Variants in ARHGDIB observed in about 807,000 individuals in gnomAD.
ARHGDIB encodes rho GDP-dissociation inhibitor 2.
Under a neutral mutation model 22.6 loss-of-function variants are expected in ARHGDIB, and 20 were observed. The ratio of observed to expected loss-of-function variants is 0.88; its 90% CI spans 0.62 to 1.28. The LOEUF (loss-of-function observed/expected upper bound fraction) is 1.28. Among genes scored for constraint, ARHGDIB ranks in the 50% most tolerant of loss-of-function variants. The pLI is 0.00. For missense variants in ARHGDIB, 254 were observed against 245.4 expected, an observed-to-expected ratio of 1.04 and a Z score of -0.23; for synonymous variants, 114 against 96.1, an observed-to-expected ratio of 1.19 and a Z score of -1.09.
At chr12:14,944,370 A>G (rs1203481543) in intron 5 of ARHGDIB, among the ~76,000 whole-genome samples, 4 of 137,286 alleles carry the variant, frequency 2.9e-5, no homozygotes, top group African/African-American at 1.1e-4. Flanking sequence ...CTCCCACCCC[A>G]GATACACATG....
chr12:14,947,689 A>T, intron 4 of ARHGDIB, 184 bp downstream of exon 4: 1 of 573,430 alleles, frequency 1.7e-6, no homozygotes, highest in South Asian at 2.2e-5. Context: ...AGGAAAAGAC[A>T]GGAGGCAAAC....
intron 1 of ARHGDIB, among the ~76,000 whole-genome samples, chr12:14,958,531 A>G (rs776978371): frequency 1.3e-5 from 2 of 152,210 alleles, no homozygotes; most frequent in Non-Finnish European, 2.9e-5. Flanking sequence ...AGAGAACTCA[A>G]AGAGATCCCG....
rs752380775 is a variant in ARHGDIB at position 14,947,864 on chromosome 12, G to T, written c.342+9C>A. The stretch of plus-strand genomic sequence containing the variant: ...AACTTTACAAAAACACACAAGGCAG[G>T]ATACTTACTTTGAAGTGAATTTTGA... On this transcript the variant is annotated intron_variant, in intron 4 of 5. Transcript: ENST00000228945. The T allele has an allele frequency of 6.3e-7, 1 of 1,593,482 alleles. No homozygotes were observed. The highest frequency in any genetic ancestry group is 2.2e-5 in the East Asian group (1 of 44,750).
At chr12:14,951,295 T>C (rs1864171253) in intron 1 of ARHGDIB, 2 of 152,800 alleles carry the variant, frequency 1.3e-5, no homozygotes, top group African/African-American at 2.4e-5. Flanking sequence ...TTATGATACC[T>C]GCCTCAGGTG....
chr12:14,947,446 G>C (rs754373268), intron 4 of ARHGDIB, among the ~76,000 whole-genome samples: 1 of 152,092 alleles, frequency 6.6e-6, no homozygotes, highest in East Asian at 1.9e-4. Context: ...TCACTTGTTT[G>C]TCCACTTTTC....
chr12:14,953,629 T>G (rs1864230954), intron 1 of ARHGDIB, among the ~76,000 whole-genome samples: 1 of 138,828 alleles, frequency 7.2e-6, no homozygotes, highest in Non-Finnish European at 1.6e-5. Flanking sequence ...GGTAATTATC[T>G]CAAGGAAAAA....
chr12:14,942,806 T>C lies in ARHGDIB; in HGVS notation c.407-85A>G, dbSNP rs2430710. ...AAACTGGAGAATCTGGACTACAGCCTACAGTGATTAAAGTCAAGAGCAATG... is the reference window on the plus strand; with the variant it reads ...AAACTGGAGAATCTGGACTACAGCCCACAGTGATTAAAGTCAAGAGCAATG... On this transcript the variant is annotated intron_variant, in intron 5 of 5. Transcript: ENST00000228945. 232 of 1,188,972 alleles carry C rather than the reference T, an allele frequency of 2.0e-4. No homozygotes were observed. The African/African-American group carries it at 3.2e-3, about 16-fold the overall frequency. 73.7% of individuals were successfully genotyped at this position (1,188,972 alleles called of 1,614,324 possible).
Position 14,949,881 on chromosome 12 carries a change from C to T in ARHGDIB, c.186G>A (p.Pro62=), listed in dbSNP as rs371813152. ...GGGTGACAACGACATTGGGGGCTTT[C>T]GGATCTGCAGGATCGAAAGGGAATG... ...LLGDGPVVTD[P]KAPNVVVTRL... The change falls in exon 3 of 6, where the codon CCG becomes CCA. Residue 62 remains proline (P), a synonymous_variant. Coordinates refer to ENST00000228945, the MANE Select transcript of ARHGDIB (RefSeq NM_001175.7). The T allele has an allele frequency of 6.2e-6, 10 of 1,613,116 alleles. No homozygotes were observed. The highest frequency in any genetic ancestry group is 2.2e-5 in the South Asian group (2 of 91,020).
chr12:14,954,155 T>C (rs1045864911), intron 1 of ARHGDIB, among the ~76,000 whole-genome samples: 1 of 152,042 alleles, frequency 6.6e-6, no homozygotes, highest in Non-Finnish European at 1.5e-5. Flanking sequence ...TTTTTTGTAG[T>C]TATGGTTGAG....
chr12:14,948,331 C>T (rs991666966), intron 3 of ARHGDIB, among the ~76,000 whole-genome samples: 2 of 151,912 alleles, frequency 1.3e-5, no homozygotes, highest in Non-Finnish European at 2.9e-5. Flanking sequence ...AAGAATATGC[C>T]CCTTACCCCT....
At chr12:14,945,190 G>C (rs992964140) in intron 4 of ARHGDIB, among the ~76,000 whole-genome samples, 3 of 152,128 alleles carry the variant, frequency 2.0e-5, no homozygotes, top group African/African-American at 4.8e-5. Context: ...CAATACTGCT[G>C]ACCAAGAGAC....
intron 5 of ARHGDIB, 120 bp from the exon 6 acceptor site, chr12:14,942,841 C>A (rs1863903206): frequency 1.2e-6 from 1 of 846,890 alleles, no homozygotes; most frequent in Admixed American, 2.8e-5. Context: ...GGTTTCCAAG[C>A]CTAAATAAAC....
chr12:14,960,253 A>G (rs1864383859), intron 1 of ARHGDIB, among the ~76,000 whole-genome samples: 1 of 152,186 alleles, frequency 6.6e-6, no homozygotes, highest in South Asian at 2.1e-4. Flanking sequence ...CTAGAGTTTA[A>G]TTACAGATTA....
chr12:14,950,161 C>G (rs1864134392), intron 2 of ARHGDIB, among the ~76,000 whole-genome samples: 2 of 152,100 alleles, frequency 1.3e-5, no homozygotes, highest in Admixed American at 1.3e-4. Flanking sequence ...TAATTGGGCA[C>G]TGTCCATTTA....
At chr12:14,955,806 T>C (rs538027351) in intron 1 of ARHGDIB, among the ~76,000 whole-genome samples, 4 of 152,338 alleles carry the variant, frequency 2.6e-5, no homozygotes, top group African/African-American at 9.6e-5. Flanking sequence ...GAAATGAGAA[T>C]AGGAATTTTA....
chr12:14,947,331 T>C (rs972577066), intron 4 of ARHGDIB, among the ~76,000 whole-genome samples: 4 of 152,210 alleles, frequency 2.6e-5, no homozygotes, highest in African/African-American at 9.6e-5. Flanking sequence ...ACAACTATAA[T>C]TGTAATTTCC....
At chr12:14,945,103 A>G (rs2037878316) in intron 4 of ARHGDIB, among the ~76,000 whole-genome samples, 1 of 152,192 alleles carries the variant, frequency 6.6e-6, no homozygotes, top group Admixed American at 6.5e-5. Context: ...GTGGTTCATT[A>G]AAACATTGGC....
chr12:14,951,045 T>A lies in ARHGDIB; in HGVS notation c.-12-321A>T, dbSNP rs540652656. The A allele has an allele frequency of 2.7e-4, 48 of 175,780 alleles. No homozygotes were observed. In the South Asian group the frequency reaches 6.3e-3, roughly 23 times the overall value. 10.9% of individuals were successfully genotyped at this position (175,780 alleles called of 1,614,324 possible). A position where few individuals can be genotyped will look rare whatever the true frequency, so the allele number is the denominator to read the frequency against. On this transcript the variant is annotated intron_variant, in intron 1 of 5. Coordinates refer to ENST00000228945, the MANE Select transcript of ARHGDIB (RefSeq NM_001175.7). ...CATGGCACAAAGACTCCTGAACAAA[T>A]GAAGCAAAAGCCCAGTCAAAAAGCT...
intron 1 of ARHGDIB, among the ~76,000 whole-genome samples, chr12:14,955,626 G>A (rs1864284595): frequency 1.3e-5 from 2 of 152,118 alleles, no homozygotes; most frequent in African/African-American, 4.8e-5. Context: ...ATATTATTAA[G>A]CATTGTACTG....
Sources: allele counts gnomAD v4.1 joint callset (sites outside exome capture counted in the v4.1 genomes callset), GRCh38; gene constraint gnomAD v4.1.1; transcripts MANE v1.5; gene names NCBI Gene and HGNC (gene_info 2026-07-23, HGNC 2026-07-21).